Variants in MGA observed in about 807,000 individuals in gnomAD.
MGA encodes the protein MAX dimerization protein MGA.
MGA carries 40 observed loss-of-function variants against 261.1 expected under a neutral mutation model. The observed-to-expected ratio is 0.15, with a 90% confidence interval of 0.12 to 0.20. The LOEUF is 0.20. Among genes scored for constraint, MGA ranks in the 10% least tolerant of loss-of-function variants. The pLI, the probability that MGA is intolerant of heterozygous loss-of-function variation, is 1.00. For missense variants in MGA, 3,397 were observed against 3,630.5 expected (o/e 0.94, Z 1.65); for synonymous variants, 1,302 against 1,290.6 (o/e 1.01, Z -0.19).
At chr15:41,665,305 C>A (rs2057666415) in intron 1 of MGA, among the ~76,000 whole-genome samples, 1 of 152,118 alleles carries the variant, frequency 6.6e-6, no homozygotes, top group African/African-American at 2.4e-5. Flanking sequence ...GGTGATGTAG[C>A]ATCTTCCTTT....
chr15:41,746,888 G>A (rs1045576680), intron 15 of MGA, among the ~76,000 whole-genome samples: 1 of 150,344 alleles, frequency 6.7e-6, no homozygotes, highest in Non-Finnish European at 1.5e-5. Flanking sequence ...TGTTAAATAA[G>A]CTCACCAATT....
Position 41,766,647 on chromosome 15 carries a change from C to T in MGA, c.8565C>T (p.Phe2855=), listed in dbSNP as rs370088625. ...TACCCAGCTCTATGGATACAGAGTT[C>T]CCAGGGGATGCTCGGCGGGCTTTTA... Residue 2855 remains phenylalanine (F), a synonymous_variant, in exon 24 of 24, where the codon TTC becomes TTT. Transcript: ENST00000219905. 4 of 1,613,970 alleles carry T rather than the reference C, an allele frequency of 2.5e-6. No individual in the cohort carries two copies. The Admixed American group carries it at 6.7e-5, about 27-fold the overall frequency.
intron 1 of MGA, among the ~76,000 whole-genome samples, chr15:41,635,530 T>G (rs2056684506): frequency 6.6e-6 from 1 of 150,826 alleles, no homozygotes; most frequent in Admixed American, 6.6e-5. Context: ...CCCCCTCCTA[T>G]AAAAAATTTT....
intron 2 of MGA, among the ~76,000 whole-genome samples, chr15:41,690,994 GT>G (rs386382831): frequency 0.25 from 26,122 of 104,150 alleles, 2,505 homozygotes; most frequent in Middle Eastern, 0.49. Flanking sequence ...AGATTGCTTT[GT>G]TTTTTTTTTT....
rs2061802578 is a variant in MGA, at chr15:41,736,813, T to A, written c.4434+115T>A. 17 of 1,194,644 alleles carry A rather than the reference T, an allele frequency of 1.4e-5. No individual in the cohort carries two copies. The East Asian group carries it at 4.4e-4, about 31-fold the overall frequency. The allele number at this position is 1,194,644 out of a possible 1,614,324, so 74.0% of individuals were successfully genotyped here. The stretch of plus-strand genomic sequence containing the variant: ...CTTTATCTTGACATTTCCTGGGAAC[T>A]GGGTGACAAAATTATTATCTCTTTT... On this transcript the variant is annotated intron_variant, in intron 13 of 23. Transcript: ENST00000219905.
chr15:41,726,193 C>T (rs998608343), intron 9 of MGA, among the ~76,000 whole-genome samples: 30 of 152,038 alleles, frequency 2.0e-4, no homozygotes, highest in African/African-American at 6.0e-4. Flanking sequence ...TCTCTGGAGC[C>T]AGATAGACAG....
chr15:41,661,974 G>C (rs2057434086), intron 1 of MGA, among the ~76,000 whole-genome samples: 1 of 152,054 alleles, frequency 6.6e-6, no homozygotes, highest in Non-Finnish European at 1.5e-5. Context: ...ATTTTTTCAC[G>C]TGGTTCTTGG....
At chr15:41,647,335 C>A (rs897416990) in intron 1 of MGA, among the ~76,000 whole-genome samples, 2 of 152,158 alleles carry the variant, frequency 1.3e-5, no homozygotes, top group African/African-American at 4.8e-5. Context: ...CATTGATTTT[C>A]CAATCTATTT....
intron 17 of MGA, 122 bp from the exon 18 acceptor site, chr15:41,754,315 G>T: frequency 1.3e-6 from 1 of 796,284 alleles, no homozygotes. Context: ...AGGATTATCA[G>T]TACTCATGAT....
chr15:41,716,310 C>T (rs964698076), intron 9 of MGA, among the ~76,000 whole-genome samples: 1 of 151,666 alleles, frequency 6.6e-6, no homozygotes, highest in African/African-American at 2.4e-5. Flanking sequence ...AAAAATTAGC[C>T]AGGCGTGGTG....
chr15:41,674,924 A>T (rs1050344458), intron 2 of MGA, among the ~76,000 whole-genome samples: 8 of 152,308 alleles, frequency 5.3e-5, no homozygotes, highest in African/African-American at 1.9e-4. Flanking sequence ...ATTCCAGCTG[A>T]ATTTTTCTTT....
In MGA at chr15:41,727,409, A is replaced by G; in HGVS notation, c.3657+3A>G. 1.2e-6 allele frequency: 2 copies of G among 1,610,314 alleles called. No homozygotes were observed. Among genetic ancestry groups the G allele is most frequent in the Non-Finnish European group, 1.7e-6 (2 of 1,177,482 alleles). On this transcript the variant is annotated splice_donor_region_variant and intron_variant, in intron 10 of 23. Transcript: ENST00000219905. Reference sequence around the variant, plus strand: ...ATACTCCCAAACCCAATCCTGTGGTAAGTCTGGAATTTAATCTTTTATTAC... The same window carrying G: ...ATACTCCCAAACCCAATCCTGTGGTGAGTCTGGAATTTAATCTTTTATTAC...
At chr15:41,763,260 C>G (rs992559614) in intron 22 of MGA, among the ~76,000 whole-genome samples, 3 of 151,214 alleles carry the variant, frequency 2.0e-5, no homozygotes, top group African/African-American at 7.3e-5. Flanking sequence ...CCACTACACC[C>G]GGCTAATTTT....
intron 2 of MGA, among the ~76,000 whole-genome samples, chr15:41,676,665 G>C (rs142857092): frequency 1.4e-3 from 215 of 151,996 alleles, no homozygotes; most frequent in African/African-American, 4.9e-3. Context: ...AATTGTTTTA[G>C]TTTTTTTAGC....
rs1246071430 is a variant in MGA at position 41,669,021 on chromosome 15, A to G, written c.127A>G (p.Thr43Ala). The change falls in exon 2 of 24, where the codon ACT becomes GCT. Residue 43 changes from threonine (T) to alanine (A), a missense_variant. Coordinates refer to ENST00000219905, the MANE Select transcript of MGA (RefSeq NM_001164273.2). ...CAAAACTGATCAAGGAATTTTGGTT[A>G]CTAATCAGGATGCCTGTGCTTTGGC... The G allele has an allele frequency of 6.2e-7, 1 of 1,613,662 alleles. No homozygotes were observed. The highest frequency in any genetic ancestry group is 8.5e-7 in the Non-Finnish European group (1 of 1,179,590).
At chr15:41,703,779 C>G (rs1486339707) in intron 5 of MGA, among the ~76,000 whole-genome samples, 1 of 152,102 alleles carries the variant, frequency 6.6e-6, no homozygotes, top group Non-Finnish European at 1.5e-5. Flanking sequence ...AGTGTGGACT[C>G]TTGTCAGTTT....
In MGA at chr15:41,769,940, A is replaced by C. The variant is rs1391340441; in HGVS notation, c.*2660A>C. On this transcript the variant is annotated 3_prime_UTR_variant, in exon 24 of 24. Coordinates refer to ENST00000219905, the MANE Select transcript of MGA (RefSeq NM_001164273.2). ...ATAAAGCAGTTAAAACAATTAAAGC[A>C]GAACTTGGTGTTGGGAGGTTTGTGC... 1 of 152,598 alleles carries C rather than the reference A, an allele frequency of 6.6e-6. No homozygotes were observed. The allele number at this position is 152,598 out of a possible 1,614,324, so 9.5% of individuals were successfully genotyped here.
At chr15:41,712,959 C>CTAA (rs1364525485) in intron 8 of MGA, among the ~76,000 whole-genome samples, 192 bp from the exon 9 acceptor site, 1 of 152,180 alleles carries the variant, frequency 6.6e-6, no homozygotes, top group Non-Finnish European at 1.5e-5. Flanking sequence ...CCATAATTGT[C>CTAA]TGTACTAAGC....
chr15:41,767,092 G>T lies in MGA; in HGVS notation c.9010G>T (p.Asp3004Tyr). The T allele has an allele frequency of 6.2e-7, 1 of 1,614,062 alleles. No homozygotes were observed. Residue 3004 changes from aspartate (D) to tyrosine (Y), a missense_variant, in exon 24 of 24, where the codon GAT becomes TAT. By Grantham distance (160) the Asp-to-Tyr change is radical (BLOSUM62 -3). This residue lies in a region of MGA where 647 missense variants were observed against 642.4 expected (regional missense o/e 1.01). Coordinates refer to ENST00000219905, the MANE Select transcript of MGA (RefSeq NM_001164273.2). ...AGTAGCTAATCCTTCCAGTGATGCA[G>T]ATGGTCAGAGTCTCAAGGTGATGCC...
Sources: allele counts gnomAD v4.1 joint callset (sites outside exome capture counted in the v4.1 genomes callset), GRCh38; gene constraint gnomAD v4.1.1; regional missense constraint gnomAD v4.1.1; transcripts MANE v1.5; gene names NCBI Gene and HGNC (gene_info 2026-07-23, HGNC 2026-07-21).